Variants in VWA2 observed in about 807,000 individuals in gnomAD.
VWA2 encodes von Willebrand factor A domain containing 2, also known as von Willebrand factor A domain-containing protein 2.
VWA2 carries 73 observed loss-of-function variants against 70.4 expected under a neutral mutation model. That is an observed-to-expected ratio of 1.04 (90% CI 0.86 to 1.26). The LOEUF (loss-of-function observed/expected upper bound fraction) is 1.26. Among genes scored for constraint, VWA2 ranks in the 50% most tolerant of loss-of-function variants. VWA2 has a pLI of 0.00. For synonymous variants in VWA2, 407 were observed against 423.3 expected, an observed-to-expected ratio of 0.96 and a Z score of 0.47; for missense variants, 1,011 against 998.5, an observed-to-expected ratio of 1.01 and a Z score of -0.17.
At chr10:114,288,475 C>G (rs116065877) in intron 11 of VWA2, among the ~76,000 whole-genome samples, 3,637 of 152,336 alleles carry the variant, frequency 0.024, 163 homozygotes, top group African/African-American at 0.084. Context: ...GCCCACAAAC[C>G]CAAACCCCAT....
In VWA2 at chr10:114,286,243, CG is replaced by C; in HGVS notation, c.1305del (p.Ser436AlafsTer43). The part of the protein sequence containing the change: ...ALRQAAERGF[G>X]SATRTGQDRP... ...TGCGGCAGGCGGCAGAGCGTGGCTTCGGGAGCGCCACCAGGACAGGCCAGGA... is the reference window on the plus strand; with the variant it reads ...TGCGGCAGGCGGCAGAGCGTGGCTTCGGAGCGCCACCAGGACAGGCCAGGA... On this transcript the variant is annotated frameshift_variant, in exon 11 of 14. Coordinates refer to ENST00000392982, the MANE Select transcript of VWA2 (RefSeq NM_001272046.2). LOFTEE classifies it high-confidence loss of function. The C allele has an allele frequency of 6.2e-7, 1 of 1,612,974 alleles. No individual in the cohort carries two copies. Among genetic ancestry groups the C allele is most frequent in the Non-Finnish European group, 8.5e-7 (1 of 1,179,606 alleles).
intron 13 of VWA2, 33 bp from the exon 14 acceptor site, chr10:114,291,185 A>G (rs2039561097): frequency 1.3e-6 from 2 of 1,549,764 alleles, no homozygotes; most frequent in Non-Finnish European, 1.7e-6. Flanking sequence ...GGATGCAGAC[A>G]CTCCTGTCCT....
chr10:114,241,157 C>T (rs1191266114), intron 1 of VWA2, among the ~76,000 whole-genome samples: 2 of 152,156 alleles, frequency 1.3e-5, no homozygotes, highest in African/African-American at 4.8e-5. Flanking sequence ...ACAGACTCCC[C>T]CATTGTCAGC....
chr10:114,246,004 T>G (rs1415095128), intron 1 of VWA2: 1 of 560,888 alleles, frequency 1.8e-6, no homozygotes, highest in African/African-American at 1.9e-5. Context: ...GAATATTGGG[T>G]GGTCAGTACA....
intron 5 of VWA2, among the ~76,000 whole-genome samples, chr10:114,271,011 C>T (rs1370719050): frequency 6.6e-6 from 1 of 152,186 alleles, no homozygotes; most frequent in African/African-American, 2.4e-5. Flanking sequence ...CCTCTGAAGC[C>T]TGCTCCCTGA....
chr10:114,277,168 CTTTTTTT>C (rs780326649), intron 6 of VWA2, among the ~76,000 whole-genome samples: 279 of 61,130 alleles, frequency 4.6e-3, no homozygotes, highest in African/African-American at 0.017. Context: ...GACTGCACGT[CTTTTTTT>C]TTTTTTTTTT....
intron 8 of VWA2, among the ~76,000 whole-genome samples, chr10:114,280,568 G>A (rs1245675672): frequency 1.3e-5 from 2 of 152,132 alleles, no homozygotes; most frequent in Non-Finnish European, 2.9e-5. Flanking sequence ...GCAAAGCCCT[G>A]TTGGTAGTGT....
rs537350628 is a variant in VWA2, at chr10:114,293,509, A to G, written c.*2272A>G. On this transcript the variant is annotated 3_prime_UTR_variant, in exon 14 of 14. Transcript: ENST00000392982. ...ACATTTTTTCCCCTTTTGTAGTGAC[A>G]GTGCCACTAAATAGTTCAGCTTTTG... Among the ~76,000 whole-genome samples the G allele has an allele frequency of 4.3e-4, 66 of 152,298 alleles. No individual in the cohort carries two copies. The highest frequency in any genetic ancestry group is 8.4e-4 in the Non-Finnish European group (57 of 68,020).
In VWA2 at chr10:114,255,068, G is replaced by T. The variant is rs12262953; in HGVS notation, c.261+20G>T. ...GAGAGGGTGAGTGCAAGTCTTGTGG[G>T]TGTTTGTGTTAGGGCGTCTTCTGTG... is the stretch of plus-strand genomic sequence containing the variant. On this transcript the variant is annotated intron_variant, in intron 4 of 13. Coordinates refer to ENST00000392982, the MANE Select transcript of VWA2 (RefSeq NM_001272046.2). 122,929 of 1,609,536 alleles carry T rather than the reference G, an allele frequency of 0.076. 5,017 individuals carry two copies. Among genetic ancestry groups the T allele is most frequent in the African/African-American group, 0.14 (10,575 of 74,770 alleles).
At chr10:114,285,018 A>C in intron 10 of VWA2, 48 bp downstream of exon 10, 1 of 1,444,546 alleles carries the variant, frequency 6.9e-7, no homozygotes, top group Non-Finnish European at 9.3e-7. Context: ...GAGCAAGAAG[A>C]GGACGGGCTC....
rs569053050 is a variant in VWA2, at chr10:114,252,736, C to CTA, written c.53-912_53-911dup. On this transcript the variant is annotated intron_variant, in intron 2 of 13. Transcript: ENST00000392982. ...GCCTCAGCCTCCCAAGTAGCTGGAACTATAGGCGCCCGCCAGCACACCCGG... is the reference window on the plus strand; with the variant it reads ...GCCTCAGCCTCCCAAGTAGCTGGAACTATATAGGCGCCCGCCAGCACACCCGG... Among the ~76,000 whole-genome samples the CTA allele has an allele frequency of 3.4e-3, 523 of 152,220 alleles. 7 individuals are homozygous for CTA. The highest frequency in any genetic ancestry group is 0.012 in the African/African-American group (504 of 41,536).
rs73365323 is a variant in VWA2, at chr10:114,290,187, C to T, written c.2123-53C>T. 8,352 of 1,541,336 alleles carry T rather than the reference C, an allele frequency of 5.4e-3. 349 individuals are homozygous for T. In the African/African-American group the frequency reaches 0.095, roughly 17 times the overall value. Reference sequence around the variant, plus strand: ...TGGGCTTACTTAGGGTAGGGGTCTTCGGGTCTAACCCATGCCTGGCCGGCC... The same window carrying T: ...TGGGCTTACTTAGGGTAGGGGTCTTTGGGTCTAACCCATGCCTGGCCGGCC... On this transcript the variant is annotated intron_variant, in intron 12 of 13. Transcript: ENST00000392982.
chr10:114,290,138 ACT>A, intron 12 of VWA2, 100 bp from the exon 13 acceptor site: 1 of 1,456,400 alleles, frequency 6.9e-7, no homozygotes, highest in Non-Finnish European at 9.2e-7. Flanking sequence ...GGGAGACATG[ACT>A]CTAGTAGCCT....
intron 5 of VWA2, among the ~76,000 whole-genome samples, chr10:114,262,524 C>T (rs1470471868): frequency 6.6e-6 from 1 of 152,142 alleles, no homozygotes; most frequent in Admixed American, 6.5e-5. Context: ...CACTGAAGTC[C>T]TCTGAAGTCC....
Position 114,291,911 on chromosome 10 carries a change from G to T in VWA2, c.*674G>T, listed in dbSNP as rs1317121044. Among the ~76,000 whole-genome samples the T allele has an allele frequency of 6.6e-6, 1 of 152,148 alleles. No homozygotes were observed. Among genetic ancestry groups the T allele is most frequent in the Non-Finnish European group, 1.5e-5 (1 of 68,034 alleles). On this transcript the variant is annotated 3_prime_UTR_variant, in exon 14 of 14. Transcript: ENST00000392982. Reference sequence around the variant, plus strand: ...TGGGGGAGGGGCTGAGTGTGCAATGGGCCCAGGTCTGGAGGGGCCACGTAA... The same window carrying T: ...TGGGGGAGGGGCTGAGTGTGCAATGTGCCCAGGTCTGGAGGGGCCACGTAA...
At chr10:114,288,286 C>A (rs485305) in intron 11 of VWA2, among the ~76,000 whole-genome samples, 7,403 of 152,278 alleles carry the variant, frequency 0.049, 271 homozygotes, top group African/African-American at 0.1. Context: ...AAGTCCCCTG[C>A]TTTTCCCTCC....
chr10:114,266,279 A>G (rs2037564225), intron 5 of VWA2, among the ~76,000 whole-genome samples: 1 of 152,122 alleles, frequency 6.6e-6, no homozygotes, highest in African/African-American at 2.4e-5. Flanking sequence ...CCTGGGTGAC[A>G]GAGCAAGACT....
At chr10:114,242,730 T>G (rs891095073) in intron 1 of VWA2, among the ~76,000 whole-genome samples, 3 of 152,216 alleles carry the variant, frequency 2.0e-5, no homozygotes, top group African/African-American at 7.2e-5. Flanking sequence ...TTCTCCAAGA[T>G]CATTTCTTCA....
rs775413909 is a variant in VWA2, at chr10:114,289,530, C to T, written c.2122+41C>T. ...CACACCCTCAGGGCTGCCCCCATGG[C>T]AGGCCCTCAGCCTGAGCCTTCACAT... is the stretch of plus-strand genomic sequence containing the variant. On this transcript the variant is annotated intron_variant, in intron 12 of 13. Coordinates refer to ENST00000392982, the MANE Select transcript of VWA2 (RefSeq NM_001272046.2). The T allele has an allele frequency of 3.7e-6, 6 of 1,606,420 alleles. No homozygotes were observed. In the Admixed American group the frequency reaches 6.7e-5, roughly 18 times the overall value.
Sources: gnomAD v4.1 joint callset for allele counts (sites outside exome capture counted in the v4.1 genomes callset) on GRCh38, gnomAD v4.1.1 for gene constraint, MANE v1.5 for transcripts, NCBI Gene and HGNC (gene_info 2026-07-23, HGNC 2026-07-21) for gene names.